Variants in SAMD4B observed in about 807,000 individuals in gnomAD.
SAMD4B encodes the protein sterile alpha motif domain containing 4B.
In SAMD4B, 5 loss-of-function variants were observed where a neutral mutation model predicts 74.5. The ratio of observed to expected loss-of-function variants is 0.07; its 90% CI spans 0.04 to 0.14. The LOEUF (loss-of-function observed/expected upper bound fraction) is 0.14. SAMD4B is among the 10% of genes least tolerant of loss of function. SAMD4B has a pLI of 1.00. For missense variants in SAMD4B, 608 were observed against 921.8 expected (o/e 0.66, Z 4.41); for synonymous variants, 373 against 374.9 (o/e 1.00, Z 0.06).
downstream of SAMD4B, chr19:39,388,748 G>A (rs1320817698): frequency 6.2e-7 from 1 of 1,603,262 alleles, no homozygotes; most frequent in East Asian, 2.2e-5. Context: ...AAGGTGGACA[G>A]CAGGACCACC....
At position 39,356,847 on chromosome 19, in the gene SAMD4B, G is replaced by A; in HGVS notation, c.-47G>A. On this transcript the variant is annotated 5_prime_UTR_variant, in exon 3 of 14. Coordinates refer to ENST00000610417, the MANE Select transcript of SAMD4B (RefSeq NM_001384574.2). ...AGAGCCGGGACCATGTGACGGCGCT[G>A]GCCCTCGCCACCGCCGTCCCCCGAC... The A allele has an allele frequency of 6.6e-7, 1 of 1,526,572 alleles. No individual in the cohort carries two copies. Among genetic ancestry groups the A allele is most frequent in the Non-Finnish European group, 8.9e-7 (1 of 1,121,788 alleles). 94.6% of individuals were successfully genotyped at this position (1,526,572 alleles called of 1,614,324 possible).
chr19:39,389,679 C>A, downstream of SAMD4B: 1 of 1,614,106 alleles, frequency 6.2e-7, no homozygotes, highest in Non-Finnish European at 8.5e-7. This position sits in a 1 kb window ranked among gnomAD's most constrained non-coding sequence, Gnocchi z 5.3. Context: ...TTGATGAGAT[C>A]GATGGTGACC....
At chr19:39,386,382 C>T, downstream of SAMD4B, 1 of 1,614,194 alleles carries the variant, frequency 6.2e-7, no homozygotes, top group African/African-American at 1.3e-5. The surrounding 1 kb of genome is among the most constrained non-coding windows in gnomAD (Gnocchi z 6.1). Flanking sequence ...CTCACTGCTG[C>T]TGCCCTTCTC....
downstream of SAMD4B, chr19:39,389,416 A>G: frequency 8.1e-6 from 13 of 1,611,758 alleles, no homozygotes; most frequent in East Asian, 1.6e-4. This position sits in a 1 kb window ranked among gnomAD's most constrained non-coding sequence, Gnocchi z 5.3. Flanking sequence ...TCAGGACCCC[A>G]CTGCCCTCCT....
intron 1 of SAMD4B, among the ~76,000 whole-genome samples, chr19:39,345,624 A>G (rs575913948): frequency 2.2e-4 from 34 of 151,934 alleles, no homozygotes; most frequent in Non-Finnish European, 4.0e-4. Context: ...CTCACCTTCA[A>G]CCTTGTAGAT....
rs1169932476 is a variant in SAMD4B, at chr19:39,385,503, G to A, written c.*1976G>A. 2.9e-5 allele frequency: 13 copies of A among 453,232 alleles called. No individual in the cohort carries two copies. The highest frequency in any genetic ancestry group is 1.6e-4 in the East Asian group (5 of 30,988). The allele number at this position is 453,232 out of a possible 1,614,324, so 28.1% of individuals were successfully genotyped here. A position where few individuals can be genotyped will look rare whatever the true frequency, so the allele number is the denominator to read the frequency against. ...ATGGGCAGGACCCTGACCCTCTCCC[G>A]CTCCAGCCCCCTCCCCAGGCCCTCC... On this transcript the variant is annotated 3_prime_UTR_variant, in exon 14 of 14. Coordinates refer to ENST00000610417, the MANE Select transcript of SAMD4B (RefSeq NM_001384574.2).
Position 39,385,576 on chromosome 19 carries a change from C to T in SAMD4B, c.*2049C>T, listed in dbSNP as rs1302378064. ...CCACTTCTGTCCCCGGCCCCACTGG[C>T]AGAATCAGCTTTGAGTAACTGTACA... On this transcript the variant is annotated 3_prime_UTR_variant, in exon 14 of 14. Transcript: ENST00000610417. The T allele has an allele frequency of 2.0e-6, 1 of 496,622 alleles. No homozygotes were observed. Among genetic ancestry groups the T allele is most frequent in the South Asian group, 3.9e-5 (1 of 25,478 alleles). The allele number at this position is 496,622 out of a possible 1,614,324, so 30.8% of individuals were successfully genotyped here. A position where few individuals can be genotyped will look rare whatever the true frequency, so the allele number is the denominator to read the frequency against.
intron 1 of SAMD4B, among the ~76,000 whole-genome samples, chr19:39,347,390 A>G (rs988987283): frequency 3.4e-4 from 51 of 152,168 alleles, no homozygotes; most frequent in African/African-American, 9.2e-4. Context: ...GTACCCTGCA[A>G]CTCAGTCTCT....
Position 39,369,710 on chromosome 19 carries a change from G to C in SAMD4B, c.252G>C (p.Leu84=). Reference sequence around the variant, plus strand: ...AAGAGAAGGTGGTGTCCCTCCTGCTGTCCCACCTTCCCCTGCTTCAGCCAG... The same window carrying C: ...AAGAGAAGGTGGTGTCCCTCCTGCTCTCCCACCTTCCCCTGCTTCAGCCAG... ...ESKEKVVSLL[L]SHLPLLQPGN... The change falls in exon 4 of 14, where the codon CTG becomes CTC. Residue 84 remains leucine (L), a synonymous_variant. Coordinates refer to ENST00000610417, the MANE Select transcript of SAMD4B (RefSeq NM_001384574.2). 1 of 1,614,202 alleles carries C rather than the reference G, an allele frequency of 6.2e-7. No homozygotes were observed. The highest frequency in any genetic ancestry group is 8.5e-7 in the Non-Finnish European group (1 of 1,180,044).
At chr19:39,355,230 G>A (rs887434444) in intron 2 of SAMD4B, among the ~76,000 whole-genome samples, 1 of 152,092 alleles carries the variant, frequency 6.6e-6, no homozygotes, top group African/African-American at 2.4e-5. Flanking sequence ...AGGCCAGGGA[G>A]GTGACATCTG....
Position 39,375,716 on chromosome 19 carries a change from A to G in SAMD4B, c.734A>G (p.Gln245Arg). 1.2e-6 allele frequency: 2 copies of G among 1,614,068 alleles called. No homozygotes were observed. The highest frequency in any genetic ancestry group is 1.7e-6 in the Non-Finnish European group (2 of 1,179,972). The change falls in exon 5 of 14, where the codon CAG (glutamine) becomes CGG (arginine). Residue 245 changes from glutamine (Q) to arginine (R), a missense_variant. Physicochemically the swap from Gln to Arg is conservative, Grantham distance 43. Around this residue, in one of 9 missense-constraint regions of SAMD4B, gnomAD observed 153 missense variants for 153.0 expected, o/e 1.00. Transcript: ENST00000610417. The surrounding 1 kb of genome is among the most constrained non-coding windows in gnomAD (Gnocchi z 4.1). ...RSMSLIPTSP[Q>R]VPGEWPSPEE... ...ATGTCACTCATCCCTACAAGCCCCC[A>G]GGTCCCTGGTGAGTGGCCGAGTCCA...
downstream of SAMD4B, chr19:39,386,126 A>C (rs747740261): frequency 1.2e-6 from 2 of 1,613,916 alleles, no homozygotes; most frequent in Non-Finnish European, 1.7e-6. The surrounding 1 kb of genome is among the most constrained non-coding windows in gnomAD (Gnocchi z 6.1). Flanking sequence ...GGCCACCCCC[A>C]TTGCTGCCGC....
downstream of SAMD4B, chr19:39,386,008 C>G (rs539025205): frequency 2.6e-5 from 42 of 1,613,740 alleles, no homozygotes; most frequent in South Asian, 3.8e-4. The surrounding 1 kb of genome is among the most constrained non-coding windows in gnomAD (Gnocchi z 6.1). Context: ...CTGTCACTAT[C>G]AGCTTCACTG....
intron 11 of SAMD4B, 52 bp from the exon 12 acceptor site, chr19:39,380,938 G>T (rs1814389237): frequency 6.4e-7 from 1 of 1,559,230 alleles, no homozygotes; most frequent in Non-Finnish European, 8.7e-7. Flanking sequence ...CCACTCTTGG[G>T]TCTGGGCCTC....
downstream of SAMD4B, chr19:39,389,797 C>A: frequency 6.2e-7 from 1 of 1,613,216 alleles, no homozygotes; most frequent in Non-Finnish European, 8.5e-7. The surrounding 1 kb of genome is among the most constrained non-coding windows in gnomAD (Gnocchi z 5.3). Flanking sequence ...TGTTTGGATT[C>A]CAGCTTCACC....
At chr19:39,352,455 CT>C (rs1397344546) in intron 1 of SAMD4B, 1 of 143,206 alleles carries the variant, frequency 7.0e-6, no homozygotes, top group Non-Finnish European at 1.5e-5. Context: ...GGGGATTTTA[CT>C]TTAAAATTCA....
intron 1 of SAMD4B, among the ~76,000 whole-genome samples, chr19:39,345,370 A>G (rs1470484117): frequency 2.0e-5 from 3 of 152,118 alleles, no homozygotes; most frequent in Non-Finnish European, 2.9e-5. Flanking sequence ...TTCCGATTCT[A>G]CTTTTGAATG....
At chr19:39,350,051 A>G (rs976948763) in intron 1 of SAMD4B, 1 of 152,226 alleles carries the variant, frequency 6.6e-6, no homozygotes, top group Non-Finnish European at 1.5e-5. Context: ...ATATATTCAT[A>G]TATGTATGTT....
Position 39,343,992 on chromosome 19 carries a change from C to CA in SAMD4B, c.-267+1416_-267+1417insA, listed in dbSNP as rs200518300. On this transcript the variant is annotated intron_variant, in intron 1 of 13. Coordinates refer to ENST00000610417, the MANE Select transcript of SAMD4B (RefSeq NM_001384574.2). ...ATGCAGGTTTTCAGGACCCCCCCCC[C>CA]CCACACACACACACAGCTTAGAGAC... 3.2e-3 allele frequency among the ~76,000 whole-genome samples: 250 copies of CA among 77,584 alleles called. 1 individual carries two copies. Among genetic ancestry groups the CA allele is most frequent in the African/African-American group, 7.1e-3 (142 of 19,870 alleles). 50.9% of individuals were successfully genotyped at this position (77,584 alleles called of 152,430 possible).
Sources: allele counts gnomAD v4.1 joint callset (sites outside exome capture counted in the v4.1 genomes callset), GRCh38; gene constraint gnomAD v4.1.1; regional missense constraint gnomAD v4.1.1; non-coding constraint Gnocchi (gnomAD v3.1); transcripts MANE v1.5; gene names NCBI Gene and HGNC (gene_info 2026-07-23, HGNC 2026-07-21).